Variants in IQCJ observed in about 807,000 individuals in gnomAD.
IQCJ encodes IQ domain-containing protein J.
IQCJ carries 9 observed loss-of-function variants against 11.0 expected under a neutral mutation model. The ratio of observed to expected loss-of-function variants is 0.82; its 90% CI spans 0.49 to 1.43. The LOEUF (loss-of-function observed/expected upper bound fraction) is 1.43, where lower values mean the gene tolerates loss of function less well. Ranked by LOEUF, IQCJ falls within the 40% of genes most tolerant of loss-of-function variation. The pLI is 0.00. For missense variants in IQCJ, 146 were observed against 133.2 expected, an observed-to-expected ratio of 1.10 and a Z score of -0.47; for synonymous variants, 55 against 51.3, an observed-to-expected ratio of 1.07 and a Z score of -0.31.
chr3:159,074,767 C>T (rs1353374244), intron 1 of IQCJ, among the ~76,000 whole-genome samples: 1 of 152,104 alleles, frequency 6.6e-6, no homozygotes, highest in Non-Finnish European at 1.5e-5. Flanking sequence ...GGGATCCACA[C>T]AATTTCTTAC....
chr3:159,153,466 A>G (rs1721343816), intron 1 of IQCJ, among the ~76,000 whole-genome samples: 1 of 152,184 alleles, frequency 6.6e-6, no homozygotes, highest in Admixed American at 6.5e-5. Context: ...CATAGCTATT[A>G]ATTCCCGTTC....
chr3:159,257,145 A>G (rs1438739058), intron 3 of IQCJ, among the ~76,000 whole-genome samples: 2 of 152,206 alleles, frequency 1.3e-5, no homozygotes, highest in African/African-American at 4.8e-5. Context: ...TTAATCACCT[A>G]CTTGTCATAT....
intron 1 of IQCJ, among the ~76,000 whole-genome samples, chr3:159,228,362 A>T (rs150597191): frequency 1.3e-5 from 2 of 152,214 alleles, no homozygotes; most frequent in Admixed American, 6.5e-5. Flanking sequence ...CTCCTTATCA[A>T]TGTTGTTCGC....
intron 1 of IQCJ, among the ~76,000 whole-genome samples, chr3:159,174,139 ATTC>A (rs1435344371): frequency 1.3e-5 from 2 of 152,044 alleles, no homozygotes; most frequent in African/African-American, 4.8e-5. Context: ...AAAACTTATA[ATTC>A]TTGTTTTTTA....
At chr3:159,087,410 T>A (rs1716865501) in intron 1 of IQCJ, among the ~76,000 whole-genome samples, 1 of 147,108 alleles carries the variant, frequency 6.8e-6, no homozygotes, top group Admixed American at 6.9e-5. Flanking sequence ...CTGGCTTTGG[T>A]ATCAGGATGA....
At chr3:159,151,051 T>C (rs1721185789) in intron 1 of IQCJ, among the ~76,000 whole-genome samples, 1 of 152,118 alleles carries the variant, frequency 6.6e-6, no homozygotes, top group African/African-American at 2.4e-5. Context: ...GGGGATAGAA[T>C]CAATGTCAAA....
chr3:159,081,438 C>T (rs1172990210), intron 1 of IQCJ, among the ~76,000 whole-genome samples: 3 of 152,004 alleles, frequency 2.0e-5, no homozygotes, highest in Non-Finnish European at 4.4e-5. Flanking sequence ...GGAGGAACCA[C>T]CAAAAATACT....
At chr3:159,101,613 C>A (rs1717927458) in intron 1 of IQCJ, among the ~76,000 whole-genome samples, 1 of 152,196 alleles carries the variant, frequency 6.6e-6, no homozygotes, top group African/African-American at 2.4e-5. Flanking sequence ...CAACAGAGCT[C>A]TGGGTAGTGA....
rs1342696854 is a variant in IQCJ at position 159,232,253 on chromosome 3, TC to T, written c.10-13588del. ...TCGATTTTAGATCTTTCCTGCTTTC[TC>T]CTGTGGGCATTTAGTCCTATAAATT... On this transcript the variant is annotated intron_variant, in intron 1 of 3. Coordinates refer to ENST00000397832, the MANE Select transcript of IQCJ (RefSeq NM_001042706.3). Among the ~76,000 whole-genome samples, 3 of 152,172 alleles carry T rather than the reference TC, an allele frequency of 2.0e-5. No homozygotes were observed. In the East Asian group the frequency reaches 5.8e-4, roughly 29 times the overall value.
chr3:159,170,126 T>G (rs1444061894), intron 1 of IQCJ, among the ~76,000 whole-genome samples: 1 of 152,206 alleles, frequency 6.6e-6, no homozygotes, highest in Non-Finnish European at 1.5e-5. Context: ...ACAACACACT[T>G]GCATACAACT....
intron 1 of IQCJ, among the ~76,000 whole-genome samples, chr3:159,130,419 C>G (rs566681959): frequency 1.3e-5 from 2 of 152,212 alleles, no homozygotes; most frequent in Admixed American, 1.3e-4. Flanking sequence ...ACCTAGATCT[C>G]TAAGGGGCAA....
chr3:159,105,658 A>G (rs1718210458), intron 1 of IQCJ, among the ~76,000 whole-genome samples: 1 of 152,162 alleles, frequency 6.6e-6, no homozygotes, highest in African/African-American at 2.4e-5. Context: ...CCATGAAAAA[A>G]TCCAAGGCAA....
At chr3:159,094,151 A>T (rs1717545677) in intron 1 of IQCJ, among the ~76,000 whole-genome samples, 1 of 151,750 alleles carries the variant, frequency 6.6e-6, no homozygotes, top group Non-Finnish European at 1.5e-5. Flanking sequence ...TCAAAGTGAC[A>T]TTTCCTTCAT....
At chr3:159,220,093 C>T (rs1029031427) in intron 1 of IQCJ, among the ~76,000 whole-genome samples, 1 of 152,144 alleles carries the variant, frequency 6.6e-6, no homozygotes, top group Non-Finnish European at 1.5e-5. Flanking sequence ...GACATGTGCT[C>T]CCTTAAGAGT....
intron 1 of IQCJ, among the ~76,000 whole-genome samples, chr3:159,108,478 G>A (rs188990960): frequency 5.9e-5 from 9 of 152,178 alleles, no homozygotes; most frequent in Non-Finnish European, 8.8e-5. Context: ...GGGGAGTTTC[G>A]TCTTCCTTAC....
intron 1 of IQCJ, among the ~76,000 whole-genome samples, chr3:159,109,585 C>G (rs926257999): frequency 1.3e-5 from 2 of 148,486 alleles, no homozygotes; most frequent in African/African-American, 4.9e-5. Flanking sequence ...ATTAAATGCT[C>G]CGCTTGTCTA....
intron 1 of IQCJ, among the ~76,000 whole-genome samples, chr3:159,113,825 T>G (rs1718785210): frequency 6.6e-6 from 1 of 151,680 alleles, no homozygotes; most frequent in South Asian, 2.1e-4. Context: ...AAATACTGAA[T>G]AAGATGAATG....
At chr3:159,241,137 C>A (rs1726894549) in intron 1 of IQCJ, among the ~76,000 whole-genome samples, 1 of 151,886 alleles carries the variant, frequency 6.6e-6, no homozygotes, top group African/African-American at 2.4e-5. Context: ...TGGCCAGGAG[C>A]AGTGGCTCAT....
intron 1 of IQCJ, among the ~76,000 whole-genome samples, chr3:159,115,027 T>C (rs971683007): frequency 2.9e-4 from 44 of 152,232 alleles, no homozygotes; most frequent in Admixed American, 7.2e-4. Flanking sequence ...ATTTTCCATA[T>C]TTCTAGTCCC....
Sources: allele counts gnomAD v4.1 joint callset (sites outside exome capture counted in the v4.1 genomes callset), GRCh38; gene constraint gnomAD v4.1.1; transcripts MANE v1.5; gene names NCBI Gene and HGNC (gene_info 2026-07-23, HGNC 2026-07-21).